Variants in ARHGAP6 observed in about 807,000 individuals in gnomAD.
ARHGAP6 encodes the protein Rho GTPase activating protein 6.
Under a neutral mutation model 55.7 loss-of-function variants are expected in ARHGAP6, and 16 were observed. That is an observed-to-expected ratio of 0.29 (90% CI 0.19 to 0.44). ARHGAP6 has a LOEUF of 0.44. Among genes scored for constraint, ARHGAP6 ranks in the 20% least tolerant of loss-of-function variants. The pLI is 1.00. For missense variants in ARHGAP6, 698 were observed against 808.9 expected, an observed-to-expected ratio of 0.86 and a Z score of 1.66; for synonymous variants, 382 against 360.9, an observed-to-expected ratio of 1.06 and a Z score of -0.66.
chrX:11,178,568 C>T (rs2046268015), intron 7 of ARHGAP6, among the ~76,000 whole-genome samples: 1 of 111,107 alleles, frequency 9.0e-6, no homozygotes, highest in South Asian at 3.8e-4. Flanking sequence ...TTAAGGATTT[C>T]AGTCTTCCAT....
chrX:11,148,995 G>A (rs1205769668), intron 10 of ARHGAP6, among the ~76,000 whole-genome samples: 1 of 112,144 alleles, frequency 8.9e-6, no homozygotes, highest in Non-Finnish European at 1.9e-5. Context: ...GTTCTACAAA[G>A]CCTCCCTTTG....
chrX:11,171,662 A>G (rs1208612459), intron 8 of ARHGAP6, among the ~76,000 whole-genome samples: 1 of 112,133 alleles, frequency 8.9e-6, no homozygotes, highest in Non-Finnish European at 1.9e-5. Context: ...AATTTTTTCT[A>G]CTTGTCTTTC....
chrX:11,608,650 G>A (rs1193629774), intron 1 of ARHGAP6, among the ~76,000 whole-genome samples: 2 of 111,740 alleles, frequency 1.8e-5, no homozygotes, highest in East Asian at 2.8e-4. Flanking sequence ...TAATTCCCAC[G>A]TGTTGTGGGA....
At chrX:11,195,523 A>G (rs2046520872) in intron 3 of ARHGAP6, among the ~76,000 whole-genome samples, 2 of 111,135 alleles carry the variant, frequency 1.8e-5, no homozygotes, top group Admixed American at 1.9e-4. Flanking sequence ...GAGAGTAAAC[A>G]ATTCCCAAAA....
intron 1 of ARHGAP6, among the ~76,000 whole-genome samples, chrX:11,276,951 CATAG>C (rs1218288071): frequency 9.0e-6 from 1 of 111,435 alleles, no homozygotes; most frequent in Non-Finnish European, 1.9e-5. Flanking sequence ...TTAGTATACT[CATAG>C]ATAGTGTACA....
chrX:11,194,347 T>A (rs773319574), intron 3 of ARHGAP6, among the ~76,000 whole-genome samples: 1 of 111,858 alleles, frequency 8.9e-6, no homozygotes, highest in Non-Finnish European at 1.9e-5. Flanking sequence ...GTGAGTATCC[T>A]AGTTAATATG....
At chrX:11,652,493 C>T (rs1264573962) in intron 1 of ARHGAP6, among the ~76,000 whole-genome samples, 4 of 111,893 alleles carry the variant, frequency 3.6e-5, no homozygotes, top group Admixed American at 1.9e-4. Context: ...GTTTAACTTT[C>T]GTTTAAAATA....
At chrX:11,193,796 C>A (rs1323541503) in intron 3 of ARHGAP6, among the ~76,000 whole-genome samples, 4 of 112,513 alleles carry the variant, frequency 3.6e-5, no homozygotes, top group Non-Finnish European at 7.5e-5. Context: ...ACTTCCCTAG[C>A]CCTTCCTTCC....
At chrX:11,632,922 C>T (rs1262559043) in intron 1 of ARHGAP6, among the ~76,000 whole-genome samples, 1 of 111,888 alleles carries the variant, frequency 8.9e-6, no homozygotes, top group Non-Finnish European at 1.9e-5. Context: ...TCACACATGC[C>T]AGAAGTGCCT....
intron 1 of ARHGAP6, among the ~76,000 whole-genome samples, chrX:11,479,011 G>C (rs1447306279): frequency 1.8e-5 from 2 of 111,952 alleles, no homozygotes; most frequent in African/African-American, 6.5e-5. Flanking sequence ...AAAGCTCCAG[G>C]CAGGCAATGG....
intron 1 of ARHGAP6, among the ~76,000 whole-genome samples, chrX:11,395,486 A>T (rs1176717726): frequency 8.9e-6 from 1 of 112,273 alleles, no homozygotes; most frequent in African/African-American, 3.2e-5. Flanking sequence ...TAATTTCCAT[A>T]ATATAAATAC....
chrX:11,568,385 T>A (rs1219271683), intron 1 of ARHGAP6, among the ~76,000 whole-genome samples: 1 of 112,710 alleles, frequency 8.9e-6, no homozygotes, highest in East Asian at 2.8e-4. Flanking sequence ...ATAGAGATTC[T>A]AAAGATTCAT....
intron 1 of ARHGAP6, among the ~76,000 whole-genome samples, chrX:11,363,662 A>T (rs2049039671): frequency 8.9e-6 from 1 of 112,117 alleles, no homozygotes; most frequent in African/African-American, 3.2e-5. Flanking sequence ...TTCTGTTATA[A>T]TATCAATGAC....
chrX:11,451,723 A>G (rs1355434507), intron 1 of ARHGAP6, among the ~76,000 whole-genome samples: 2 of 111,856 alleles, frequency 1.8e-5, no homozygotes, highest in African/African-American at 6.5e-5. Context: ...TCCATGATGC[A>G]TAGCACCTTG....
chrX:11,166,948 T>C (rs113192441), intron 9 of ARHGAP6, among the ~76,000 whole-genome samples: 2,619 of 112,017 alleles, frequency 0.023, 30 homozygotes, highest in Middle Eastern at 0.065. Flanking sequence ...TCTGAATATA[T>C]GATTACCAGA....
intron 1 of ARHGAP6, among the ~76,000 whole-genome samples, chrX:11,493,718 C>T (rs987194966): frequency 3.6e-5 from 4 of 110,956 alleles, no homozygotes; most frequent in Non-Finnish European, 5.7e-5. Flanking sequence ...AGAACAAAGA[C>T]GCACGTAAAT....
At chrX:11,571,907 G>A (rs1211645322) in intron 1 of ARHGAP6, among the ~76,000 whole-genome samples, 1 of 109,000 alleles carries the variant, frequency 9.2e-6, no homozygotes, top group African/African-American at 3.3e-5. Context: ...TATAAAGGAA[G>A]AAGTCAAAGG....
chrX:11,411,254 C>A (rs1392366365), intron 1 of ARHGAP6, among the ~76,000 whole-genome samples: 6 of 72,618 alleles, frequency 8.3e-5, no homozygotes, highest in African/African-American at 2.9e-4. Flanking sequence ...AATATATAAA[C>A]ATTTATTTAT....
intron 1 of ARHGAP6, among the ~76,000 whole-genome samples, chrX:11,605,879 A>G (rs988673751): frequency 2.7e-5 from 3 of 110,347 alleles, no homozygotes; most frequent in African/African-American, 9.9e-5. Context: ...ACTGAAAAAA[A>G]GCCCAGAGAA....
Sources: allele counts gnomAD v4.1 joint callset (sites outside exome capture counted in the v4.1 genomes callset), GRCh38; gene constraint gnomAD v4.1.1; transcripts MANE v1.5; gene names NCBI Gene and HGNC (gene_info 2026-07-23, HGNC 2026-07-21).